The following UBE2G1 variants were observed in gnomAD, a reference collection of about 807,000 sequenced individuals.
The protein encoded by UBE2G1 is ubiquitin-conjugating enzyme E2 G1.
In UBE2G1, 5 loss-of-function variants were observed where a neutral mutation model predicts 22.7. The ratio of observed to expected loss-of-function variants is 0.22; its 90% confidence interval spans 0.12 to 0.46. UBE2G1 has a LOEUF of 0.46. UBE2G1 is among the 20% of genes least tolerant of loss of function. UBE2G1 has a pLI of 0.99. For missense variants in UBE2G1, 88 were observed against 203.9 expected, an observed-to-expected ratio of 0.43 and a Z score of 3.46; for synonymous variants, 74 against 67.5, an observed-to-expected ratio of 1.10 and a Z score of -0.47.
chr17:4,360,518 T>G (rs1227765365), intron 1 of UBE2G1, among the ~76,000 whole-genome samples: 1 of 152,172 alleles, frequency 6.6e-6, no homozygotes, highest in Non-Finnish European at 1.5e-5. Context: ...GATTATCAGA[T>G]TTTCCACCCT....
chr17:4,301,626 A>C, intron 2 of UBE2G1: 1 of 946,650 alleles, frequency 1.1e-6, no homozygotes, highest in Non-Finnish European at 1.7e-6. Context: ...ATGATGGGGC[A>C]CAATTACTTT....
At chr17:4,314,998 A>G (rs913630219) in intron 1 of UBE2G1, among the ~76,000 whole-genome samples, 8 of 152,226 alleles carry the variant, frequency 5.3e-5, no homozygotes, top group African/African-American at 1.9e-4. Flanking sequence ...AAGAGTAATG[A>G]GACATTAGAC....
intron 2 of UBE2G1, chr17:4,301,918 C>T: frequency 4.1e-6 from 2 of 488,900 alleles, no homozygotes; most frequent in South Asian, 3.2e-5. Flanking sequence ...GTCACACAAC[C>T]CCTGGGGTCA....
chr17:4,339,449 C>T (rs1319087700), intron 1 of UBE2G1, among the ~76,000 whole-genome samples: 7 of 152,070 alleles, frequency 4.6e-5, no homozygotes, highest in Non-Finnish European at 1.0e-4. Context: ...GGATTACAGG[C>T]ACCCACGACC....
At chr17:4,353,334 T>C (rs371293422) in intron 1 of UBE2G1, among the ~76,000 whole-genome samples, 1 of 151,830 alleles carries the variant, frequency 6.6e-6, no homozygotes, top group African/African-American at 2.4e-5. Flanking sequence ...AAGAAAAATA[T>C]GTAAGAAGGG....
At chr17:4,318,692 A>T (rs1292095222) in intron 1 of UBE2G1, among the ~76,000 whole-genome samples, 1 of 152,160 alleles carries the variant, frequency 6.6e-6, no homozygotes, top group Non-Finnish European at 1.5e-5. Flanking sequence ...GTTGGTCCCT[A>T]ATCAGTTTCC....
At chr17:4,359,851 C>CA (rs35941094) in intron 1 of UBE2G1, among the ~76,000 whole-genome samples, 1,529 of 107,022 alleles carry the variant, frequency 0.014, 25 homozygotes, top group Non-Finnish European at 0.026. Context: ...GGCTCCATCT[C>CA]AAAAAAAAAA....
At chr17:4,302,229 T>C in intron 2 of UBE2G1, 1 of 486,966 alleles carries the variant, frequency 2.1e-6, no homozygotes, top group Non-Finnish European at 4.2e-6. Flanking sequence ...CAGTGTTGTA[T>C]ATGTCGTTAT....
intron 1 of UBE2G1, among the ~76,000 whole-genome samples, chr17:4,311,788 AT>A (rs1969313288): frequency 6.6e-6 from 1 of 152,168 alleles, no homozygotes; most frequent in African/African-American, 2.4e-5. Context: ...TATAATGTCA[AT>A]TCCTCCCTCC....
At chr17:4,290,950 G>A (rs1479411012) in intron 3 of UBE2G1, among the ~76,000 whole-genome samples, 1 of 152,054 alleles carries the variant, frequency 6.6e-6, no homozygotes, top group Non-Finnish European at 1.5e-5. Flanking sequence ...ATATATGACA[G>A]GCAAGGCCCG....
chr17:4,299,865 C>T (rs563334915), intron 2 of UBE2G1, among the ~76,000 whole-genome samples: 2 of 143,674 alleles, frequency 1.4e-5, no homozygotes, highest in African/African-American at 2.6e-5. Context: ...CTTGCTCTGT[C>T]GCCCAGGCTG....
chr17:4,323,627 A>G (rs1018839996), intron 1 of UBE2G1, among the ~76,000 whole-genome samples: 1 of 152,214 alleles, frequency 6.6e-6, no homozygotes, highest in African/African-American at 2.4e-5. Context: ...ATCACAGTTC[A>G]CTAAAGCCTT....
At chr17:4,365,615 TC>T (rs1191194519) in intron 1 of UBE2G1, among the ~76,000 whole-genome samples, 1 of 151,512 alleles carries the variant, frequency 6.6e-6, no homozygotes, top group Admixed American at 6.6e-5. Context: ...GCTCCTACCC[TC>T]CCCCAGCCGG....
intron 1 of UBE2G1, among the ~76,000 whole-genome samples, chr17:4,353,623 T>C (rs547531939): frequency 1.7e-3 from 253 of 151,458 alleles, no homozygotes; most frequent in African/African-American, 5.9e-3. Flanking sequence ...AGCGATTCTC[T>C]TGCCTCAGCC....
At chr17:4,365,168 A>T (rs569433263) in intron 1 of UBE2G1, among the ~76,000 whole-genome samples, 1 of 152,218 alleles carries the variant, frequency 6.6e-6, no homozygotes, top group African/African-American at 2.4e-5. Context: ...TGAGGGCTAG[A>T]GGCTACTGGT....
At chr17:4,303,445 C>T (rs1969210459) in intron 2 of UBE2G1, among the ~76,000 whole-genome samples, 1 of 152,056 alleles carries the variant, frequency 6.6e-6, no homozygotes, top group African/African-American at 2.4e-5. Flanking sequence ...GAAACATTTC[C>T]TAAGCATAGG....
chr17:4,333,346 C>T (rs1162339461), intron 1 of UBE2G1, among the ~76,000 whole-genome samples: 1 of 152,088 alleles, frequency 6.6e-6, no homozygotes, highest in Non-Finnish European at 1.5e-5. Flanking sequence ...AAAAAACTTA[C>T]GGGCGAAGCT....
At chr17:4,335,541 T>C (rs1265253543) in intron 1 of UBE2G1, among the ~76,000 whole-genome samples, 3 of 152,240 alleles carry the variant, frequency 2.0e-5, no homozygotes, top group African/African-American at 7.2e-5. Context: ...GAAAAAACTA[T>C]TTGATAAACA....
chr17:4,292,793 T>C (rs771053032), intron 3 of UBE2G1, among the ~76,000 whole-genome samples: 14 of 152,210 alleles, frequency 9.2e-5, no homozygotes, highest in Non-Finnish European at 1.9e-4. Context: ...AACTAACCCA[T>C]TCATTATCAT....
Sources: gnomAD v4.1 joint callset for allele counts (sites outside exome capture counted in the v4.1 genomes callset) on GRCh38, gnomAD v4.1.1 for gene constraint, MANE v1.5 for transcripts, NCBI Gene and HGNC (gene_info 2026-07-23, HGNC 2026-07-21) for gene names.